Variants in LPP observed in about 807,000 individuals in gnomAD.
The protein encoded by LPP is LIM domain containing preferred translocation partner in lipoma, also known as lipoma-preferred partner.
In LPP, 38 loss-of-function variants were observed where a neutral mutation model predicts 60.4. The observed-to-expected ratio is 0.63, with a 90% CI of 0.49 to 0.83. The LOEUF (loss-of-function observed/expected upper bound fraction) is 0.83, where lower values mean the gene tolerates loss of function less well. Ranked by LOEUF, LPP falls within the 40% of genes least tolerant of loss-of-function variation. The pLI, the probability that LPP is intolerant of heterozygous loss-of-function variation, is 0.00. For missense variants in LPP, 902 were observed against 783.6 expected, an observed-to-expected ratio of 1.15 and a Z score of -1.80; for synonymous variants, 328 against 290.8, an observed-to-expected ratio of 1.13 and a Z score of -1.30.
At chr3:188,302,559 T>C (rs1179476355) in intron 2 of LPP, among the ~76,000 whole-genome samples, 1 of 152,090 alleles carries the variant, frequency 6.6e-6, no homozygotes, top group Admixed American at 6.5e-5. Context: ...CAGAATGGGG[T>C]TTTCCTCACA....
chr3:188,158,480 T>C (rs1717201459), intron 1 of LPP, among the ~76,000 whole-genome samples: 1 of 152,180 alleles, frequency 6.6e-6, no homozygotes, highest in African/African-American at 2.4e-5. Flanking sequence ...TTCTAAATGT[T>C]GGTCACATCA....
At chr3:188,753,821 G>A (rs1729058170) in intron 8 of LPP, among the ~76,000 whole-genome samples, 1 of 151,940 alleles carries the variant, frequency 6.6e-6, no homozygotes, top group Admixed American at 6.6e-5. Context: ...AAACAAGAGA[G>A]AGGGAAACAG....
intron 4 of LPP, among the ~76,000 whole-genome samples, chr3:188,455,010 C>T (rs1470350689): frequency 6.6e-6 from 1 of 152,128 alleles, no homozygotes; most frequent in East Asian, 1.9e-4. Flanking sequence ...GAGAAGCATC[C>T]TTTATACAAG....
chr3:188,404,186 T>G (rs1782882692), intron 3 of LPP, among the ~76,000 whole-genome samples: 2 of 152,190 alleles, frequency 1.3e-5, no homozygotes, highest in Admixed American at 6.5e-5. Context: ...AAAAAGTACT[T>G]TAATATCATC....
chr3:188,366,613 T>G (rs1560303438), intron 3 of LPP, among the ~76,000 whole-genome samples: 1 of 152,218 alleles, frequency 6.6e-6, no homozygotes, highest in African/African-American at 2.4e-5. Flanking sequence ...TAGAAGTTTC[T>G]GAGAGGGAAT....
chr3:188,448,646 T>C (rs574663715), intron 4 of LPP, among the ~76,000 whole-genome samples: 1 of 152,254 alleles, frequency 6.6e-6, no homozygotes, highest in South Asian at 2.1e-4. Flanking sequence ...GGTAGGAGAC[T>C]GTGGACTAAT....
intron 6 of LPP, among the ~76,000 whole-genome samples, chr3:188,549,366 C>G (rs1827467545): frequency 6.6e-6 from 1 of 151,090 alleles, no homozygotes; most frequent in African/African-American, 2.4e-5. Context: ...GATGGAGCCT[C>G]ACTGTGGTGG....
At chr3:188,622,040 G>GTCTATT (rs1168784333) in intron 7 of LPP, among the ~76,000 whole-genome samples, 2 of 152,114 alleles carry the variant, frequency 1.3e-5, no homozygotes, top group East Asian at 3.9e-4. Flanking sequence ...TGAAAGTTTT[G>GTCTATT]TCTATTTCTA....
intron 8 of LPP, among the ~76,000 whole-genome samples, chr3:188,751,943 T>C (rs947312723): frequency 2.0e-5 from 3 of 152,170 alleles, no homozygotes; most frequent in African/African-American, 7.2e-5. Flanking sequence ...TTGATAAATA[T>C]AAATCTTAAC....
intron 2 of LPP, among the ~76,000 whole-genome samples, chr3:188,292,415 A>G (rs1000776675): frequency 6.6e-6 from 1 of 152,232 alleles, no homozygotes. Flanking sequence ...ACACTCCAAA[A>G]AACAGAAGCA....
intron 7 of LPP, among the ~76,000 whole-genome samples, chr3:188,635,974 C>T (rs1310400746): frequency 6.6e-6 from 1 of 152,126 alleles, no homozygotes; most frequent in Admixed American, 6.5e-5. Context: ...TAGCCTAGAT[C>T]GTTGAAAAGG....
chr3:188,347,603 C>T (rs150635078), intron 3 of LPP, among the ~76,000 whole-genome samples: 1 of 152,124 alleles, frequency 6.6e-6, no homozygotes, highest in Non-Finnish European at 1.5e-5. Context: ...GCCTACCCCC[C>T]CATTATATTG....
At chr3:188,662,903 G>A (rs1179163638) in intron 7 of LPP, among the ~76,000 whole-genome samples, 1 of 152,242 alleles carries the variant, frequency 6.6e-6, no homozygotes, top group Admixed American at 6.5e-5. Flanking sequence ...TGAGTAATGC[G>A]AAGAAAAGAT....
chr3:188,313,576 G>T (rs1754144306), intron 2 of LPP, among the ~76,000 whole-genome samples: 1 of 151,252 alleles, frequency 6.6e-6, no homozygotes, highest in South Asian at 2.1e-4. Flanking sequence ...GGTGGAGGTT[G>T]CAGTGAGCCA....
At chr3:188,744,109 C>T (rs1725335658) in intron 8 of LPP, among the ~76,000 whole-genome samples, 1 of 152,122 alleles carries the variant, frequency 6.6e-6, no homozygotes, top group South Asian at 2.1e-4. Context: ...CATACACTTC[C>T]ATATAGTCAT....
chr3:188,722,076 G>T (rs1716633307), intron 8 of LPP, among the ~76,000 whole-genome samples: 1 of 152,082 alleles, frequency 6.6e-6, no homozygotes, highest in Non-Finnish European at 1.5e-5. Flanking sequence ...ACAAACCCAA[G>T]AATTATATTT....
At position 188,609,166 on chromosome 3, in the gene LPP, C is replaced by T. The variant is rs545691174; in HGVS notation, c.435C>T (p.Ser145=). 178 of 1,599,986 alleles carry T rather than the reference C, an allele frequency of 1.1e-4. No homozygotes were observed. In the African/African-American group the frequency reaches 2.0e-3, roughly 18 times the overall value. ...SPYKPRPPQS[S]TGSTASPPVS... ...TTTTTTCCTATTCTTTTTAGAGCTC[C>T]ACTGGTTCAACAGCCTCTCCTCCAG... Residue 145 remains serine, a synonymous_variant, in exon 7 of 12, where the codon TCC becomes TCT. Coordinates refer to ENST00000617246, the MANE Select transcript of LPP (RefSeq NM_001375462.1). This position sits in a 1 kb window ranked among gnomAD's most constrained non-coding sequence, Gnocchi z 6.9.
intron 6 of LPP, chr3:188,553,702 T>C (rs761277321): frequency 6.6e-6 from 1 of 152,204 alleles, no homozygotes; most frequent in Non-Finnish European, 1.5e-5. Flanking sequence ...ATTCTCTTGA[T>C]GAAACAGAGA....
Position 188,225,770 on chromosome 3 carries a change from G to T in LPP, c.-67+243G>T, listed in dbSNP as rs2149321954. Among the ~76,000 whole-genome samples the T allele has an allele frequency of 2.0e-5, 3 of 152,310 alleles. No homozygotes were observed. The South Asian group carries it at 6.2e-4, about 32-fold the overall frequency. Reference sequence around the variant, plus strand: ...CAAAGGCAGAGCTCAGCTCTTGGAAGGTGGTAGCATTGAACTTGGAGGAAA... The same window carrying T: ...CAAAGGCAGAGCTCAGCTCTTGGAATGTGGTAGCATTGAACTTGGAGGAAA... On this transcript the variant is annotated intron_variant, in intron 2 of 11. Coordinates refer to ENST00000617246, the MANE Select transcript of LPP (RefSeq NM_001375462.1).
Sources: allele counts gnomAD v4.1 joint callset (sites outside exome capture counted in the v4.1 genomes callset), GRCh38; gene constraint gnomAD v4.1.1; non-coding constraint Gnocchi (gnomAD v3.1); transcripts MANE v1.5; gene names NCBI Gene and HGNC (gene_info 2026-07-23, HGNC 2026-07-21).